Variants in PPP3CC observed in about 807,000 individuals in gnomAD.
The protein encoded by PPP3CC is serine/threonine-protein phosphatase 2B catalytic subunit gamma isoform.
PPP3CC carries 35 observed loss-of-function variants against 60.3 expected under a neutral mutation model. The ratio of observed to expected loss-of-function variants is 0.58; its 90% CI spans 0.44 to 0.77. The LOEUF (loss-of-function observed/expected upper bound fraction) is 0.77, where lower values mean the gene tolerates loss of function less well. Among genes scored for constraint, PPP3CC ranks in the 30% least tolerant of loss-of-function variants. PPP3CC has a pLI of 0.00. For missense variants in PPP3CC, 570 were observed against 628.9 expected, an observed-to-expected ratio of 0.91 and a Z score of 1.00; for synonymous variants, 206 against 224.3, an observed-to-expected ratio of 0.92 and a Z score of 0.73.
chr8:22,469,380 G>T lies in PPP3CC; in HGVS notation c.50-5574G>T, dbSNP rs561728988. Reference sequence around the variant, plus strand: ...AAGGATGAAGAGAAGTGAGTTAAAGGGTACAAACATACATTAAGATAGGAG... The same window carrying T: ...AAGGATGAAGAGAAGTGAGTTAAAGTGTACAAACATACATTAAGATAGGAG... On this transcript the variant is annotated intron_variant, in intron 1 of 13. Coordinates refer to ENST00000240139, the MANE Select transcript of PPP3CC (RefSeq NM_005605.5). Among the ~76,000 whole-genome samples, 35 of 152,080 alleles carry T rather than the reference G, an allele frequency of 2.3e-4. 1 individual carries two copies. In the South Asian group the frequency reaches 3.7e-3, roughly 16 times the overall value.
intron 1 of PPP3CC, among the ~76,000 whole-genome samples, chr8:22,452,652 C>A (rs930870831): frequency 1.3e-5 from 2 of 152,128 alleles, no homozygotes; most frequent in African/African-American, 4.8e-5. Flanking sequence ...TGCTACTATG[C>A]CCAGCTCAAA....
intron 9 of PPP3CC, among the ~76,000 whole-genome samples, chr8:22,528,103 A>G (rs1839608554): frequency 6.6e-6 from 1 of 152,222 alleles, no homozygotes; most frequent in South Asian, 2.1e-4. Flanking sequence ...AGAGATTTAA[A>G]CAGAATTTAT....
chr8:22,526,715 A>C (rs17060892), intron 8 of PPP3CC, among the ~76,000 whole-genome samples: 1,812 of 152,300 alleles, frequency 0.012, 31 homozygotes, highest in African/African-American at 0.039. Flanking sequence ...AAGACTTTCA[A>C]AATATAAAGA....
chr8:22,520,256 A>AT (rs1839369862), intron 6 of PPP3CC, among the ~76,000 whole-genome samples: 2 of 151,684 alleles, frequency 1.3e-5, no homozygotes, highest in African/African-American at 2.4e-5. Context: ...CTGCTTTCAG[A>AT]TTTTTTCTTT....
At position 22,499,191 on chromosome 8, in the gene PPP3CC, G is replaced by A. The variant is rs561366639; in HGVS notation, c.484+1079G>A. 9.2e-5 allele frequency among the ~76,000 whole-genome samples: 14 copies of A among 151,674 alleles called. No homozygotes were observed. In the South Asian group the frequency reaches 1.9e-3, roughly 20 times the overall value. ...GCGGTGGCTCACGCCTGTAATCCCA[G>A]CACTTTGGGAGGCCGAGGCGGGTGG... On this transcript the variant is annotated intron_variant, in intron 4 of 13. Transcript: ENST00000240139.
intron 1 of PPP3CC, among the ~76,000 whole-genome samples, chr8:22,457,059 C>G (rs1186009418): frequency 3.3e-5 from 4 of 121,660 alleles, no homozygotes. Flanking sequence ...CTTCCCCTCC[C>G]TCCCTCCCTC....
At chr8:22,458,087 G>A (rs951816783) in intron 1 of PPP3CC, among the ~76,000 whole-genome samples, 8 of 151,528 alleles carry the variant, frequency 5.3e-5, no homozygotes, top group African/African-American at 7.3e-5. Flanking sequence ...GTAAATCTCC[G>A]TCGCACCAAA....
At chr8:22,451,242 T>G (rs1278338572) in intron 1 of PPP3CC, among the ~76,000 whole-genome samples, 2 of 151,850 alleles carry the variant, frequency 1.3e-5, no homozygotes, top group East Asian at 3.9e-4. Flanking sequence ...TTCAAGTGAT[T>G]CTCCTGCCCC....
In PPP3CC at chr8:22,540,721, T is replaced by C; in HGVS notation, c.1458T>C (p.Ala486=). 1.2e-6 allele frequency: 2 copies of C among 1,614,184 alleles called. No homozygotes were observed. Among genetic ancestry groups the C allele is most frequent in the Non-Finnish European group, 8.5e-7 (1 of 1,180,030 alleles). Residue 486 remains alanine (A), a synonymous_variant, in exon 14 of 14, where the codon GCT becomes GCC. Coordinates refer to ENST00000240139, the MANE Select transcript of PPP3CC (RefSeq NM_005605.5). ...CACCCCGAAAGGATAGCATACACGC[T>C]GGTGGGCCAATGAAATCTGTAACCT... The part of the protein sequence containing the change: ...RMPPRKDSIH[A]GGPMKSVTSA...
chr8:22,451,293 G>A (rs772363322), intron 1 of PPP3CC, among the ~76,000 whole-genome samples: 1 of 151,750 alleles, frequency 6.6e-6, no homozygotes, highest in Non-Finnish European at 1.5e-5. Flanking sequence ...ATGCCACCAC[G>A]CCCAGCTAGT....
rs189152458 is a variant in PPP3CC at position 22,530,344 on chromosome 8, A to G, written c.1141+1767A>G. Among the ~76,000 whole-genome samples the G allele has an allele frequency of 2.0e-5, 3 of 151,490 alleles. No individual in the cohort carries two copies. In the East Asian group the frequency reaches 5.9e-4, roughly 30 times the overall value. On this transcript the variant is annotated intron_variant, in intron 10 of 13. Coordinates refer to ENST00000240139, the MANE Select transcript of PPP3CC (RefSeq NM_005605.5). ...ATGGCGAGTGCTTCTGGTCCCAGCT[A>G]CTTGGGGGCCTGAGGTGGGAGGATT...
At chr8:22,445,173 T>A (rs1012995912) in intron 1 of PPP3CC, among the ~76,000 whole-genome samples, 2 of 152,234 alleles carry the variant, frequency 1.3e-5, no homozygotes, top group African/African-American at 4.8e-5. Context: ...GGCTACTGTT[T>A]CTTTAATATC....
At chr8:22,457,851 G>A (rs1837252004) in intron 1 of PPP3CC, among the ~76,000 whole-genome samples, 1 of 152,192 alleles carries the variant, frequency 6.6e-6, no homozygotes, top group South Asian at 2.1e-4. Flanking sequence ...CAGCACTTTG[G>A]GAGGCCAAGG....
chr8:22,488,267 T>C (rs1219187929), intron 3 of PPP3CC, among the ~76,000 whole-genome samples: 1 of 152,220 alleles, frequency 6.6e-6, no homozygotes, highest in African/African-American at 2.4e-5. Flanking sequence ...GGTAATGAAA[T>C]TTAACCCCTC....
At chr8:22,490,842 C>G (rs1838382169) in intron 3 of PPP3CC, among the ~76,000 whole-genome samples, 3 of 152,066 alleles carry the variant, frequency 2.0e-5, no homozygotes. Context: ...TTTTCTTAAT[C>G]CAGTCTATCA....
chr8:22,522,137 ACG>A (rs1162988533), intron 6 of PPP3CC, among the ~76,000 whole-genome samples: 44 of 109,456 alleles, frequency 4.0e-4, no homozygotes, highest in African/African-American at 1.5e-3. Context: ...CTACACACAC[ACG>A]CACACACACA....
At chr8:22,507,714 C>T (rs1838964552) in intron 4 of PPP3CC, among the ~76,000 whole-genome samples, 1 of 152,150 alleles carries the variant, frequency 6.6e-6, no homozygotes, top group Admixed American at 6.5e-5. Context: ...TTCATTTAAT[C>T]CTCACAGCAA....
At chr8:22,527,008 C>T (rs542060718) in intron 8 of PPP3CC, among the ~76,000 whole-genome samples, 4 of 152,136 alleles carry the variant, frequency 2.6e-5, no homozygotes, top group Admixed American at 6.5e-5. Context: ...AGGCTGTGTC[C>T]ATTTAATGAG....
chr8:22,486,800 G>T (rs1838239224), intron 3 of PPP3CC, among the ~76,000 whole-genome samples: 1 of 151,390 alleles, frequency 6.6e-6, no homozygotes, highest in South Asian at 2.1e-4. Context: ...CACCATCTCG[G>T]CTCACTGCAG....
Sources: allele counts gnomAD v4.1 joint callset (sites outside exome capture counted in the v4.1 genomes callset), GRCh38; gene constraint gnomAD v4.1.1; transcripts MANE v1.5; gene names NCBI Gene and HGNC (gene_info 2026-07-23, HGNC 2026-07-21).